The following PDE4D variants were observed in gnomAD, a reference collection of about 807,000 sequenced individuals.
PDE4D encodes the protein phosphodiesterase 4D.
Under a neutral mutation model 87.4 loss-of-function variants are expected in PDE4D, and 24 were observed. The ratio of observed to expected loss-of-function variants is 0.27; its 90% CI spans 0.20 to 0.39. The LOEUF (loss-of-function observed/expected upper bound fraction) is 0.39. PDE4D is among the 10% of genes least tolerant of loss of function. The pLI, the probability that PDE4D is intolerant of heterozygous loss-of-function variation, is 1.00. For missense variants in PDE4D, 714 were observed against 1,041.0 expected, an observed-to-expected ratio of 0.69 and a Z score of 4.32; for synonymous variants, 384 against 383.2, an observed-to-expected ratio of 1.00 and a Z score of -0.02.
chr5:59,262,131 T>C (rs952309822), intron 1 of PDE4D, among the ~76,000 whole-genome samples: 1 of 151,934 alleles, frequency 6.6e-6, no homozygotes, highest in African/African-American at 2.4e-5. Context: ...TCCTGCCCTA[T>C]AGAAATACTT....
intron 1 of PDE4D, among the ~76,000 whole-genome samples, chr5:60,474,105 C>CATATATATATATATAT (rs1158022321): frequency 9.7e-4 from 30 of 30,988 alleles, no homozygotes; most frequent in Non-Finnish European, 1.4e-3. Flanking sequence ...TTTGAGCTGC[C>CATATATATATATATAT]ATATATATAT....
At chr5:60,383,741 GA>G (rs371395830) in intron 1 of PDE4D, among the ~76,000 whole-genome samples, 1,856 of 152,184 alleles carry the variant, frequency 0.012, 16 homozygotes, top group Middle Eastern at 0.027. Flanking sequence ...ATTATAAATA[GA>G]AAAAATACTA....
intron 1 of PDE4D, among the ~76,000 whole-genome samples, chr5:59,673,638 A>T (rs1277256715): frequency 6.6e-6 from 1 of 152,200 alleles, no homozygotes; most frequent in Non-Finnish European, 1.5e-5. Context: ...GCATGGCGCC[A>T]TCTAGTGATC....
At chr5:59,061,943 A>T (rs1026285590) in intron 5 of PDE4D, among the ~76,000 whole-genome samples, 16 of 152,202 alleles carry the variant, frequency 1.1e-4, no homozygotes, top group African/African-American at 3.9e-4. Flanking sequence ...GAAATAGTGA[A>T]GGGATGGTTG....
chr5:60,460,797 C>G (rs1746871153), intron 1 of PDE4D: 1 of 565,920 alleles, frequency 1.8e-6, no homozygotes, highest in Non-Finnish European at 3.1e-6. Context: ...CGGAAGCAGG[C>G]AGAACACTCT....
chr5:60,468,056 A>G (rs1314652691), intron 1 of PDE4D, among the ~76,000 whole-genome samples: 1 of 151,936 alleles, frequency 6.6e-6, no homozygotes, highest in African/African-American at 2.4e-5. Flanking sequence ...AAGCCACTCA[A>G]CCAGTCCAAA....
chr5:59,236,731 T>C (rs1295590480), intron 1 of PDE4D, among the ~76,000 whole-genome samples: 1 of 151,930 alleles, frequency 6.6e-6, no homozygotes, highest in Non-Finnish European at 1.5e-5. Flanking sequence ...CAACACCACT[T>C]TCTACGCTGC....
intron 2 of PDE4D, among the ~76,000 whole-genome samples, chr5:60,162,391 A>G (rs1488117654): frequency 6.6e-6 from 1 of 152,140 alleles, no homozygotes; most frequent in Non-Finnish European, 1.5e-5. Flanking sequence ...GAGACAAATT[A>G]CATTGTATCT....
intron 1 of PDE4D, among the ~76,000 whole-genome samples, chr5:59,451,699 T>C (rs926100303): frequency 6.6e-6 from 1 of 152,206 alleles, no homozygotes; most frequent in Non-Finnish European, 1.5e-5. Context: ...TTTCCTCCAT[T>C]GCCTCTGCTA....
chr5:59,964,180 G>A (rs919616040), intron 3 of PDE4D, among the ~76,000 whole-genome samples: 15 of 152,116 alleles, frequency 9.9e-5, no homozygotes, highest in Non-Finnish European at 2.1e-4. Flanking sequence ...TTGACATCAT[G>A]TCAAACAACA....
Position 59,812,325 on chromosome 5 carries a change from C to T in PDE4D, c.455+80843G>A, listed in dbSNP as rs544191262. ...GTTGCATCTGCAGGATGGTTGTAGC[C>T]CTGTTTATAAATTCACAGGCTCAAT... On this transcript the variant is annotated intron_variant, in intron 1 of 14. Transcript: ENST00000340635. 7.2e-5 allele frequency among the ~76,000 whole-genome samples: 11 copies of T among 152,258 alleles called. No individual in the cohort carries two copies. In the South Asian group the frequency reaches 1.9e-3, roughly 26 times the overall value.
rs535375270 is a variant in PDE4D, at chr5:59,235,277, T to C, written c.456-19309A>G. On this transcript the variant is annotated intron_variant, in intron 1 of 14. Coordinates refer to ENST00000340635, the MANE Select transcript of PDE4D (RefSeq NM_001104631.2). ...CTGTGCCCCTGATGGTCAGATAACC[T>C]GTCCTGGGTGAGACAAAAGAATTAT... Among the ~76,000 whole-genome samples, 16 of 152,306 alleles carry C rather than the reference T, an allele frequency of 1.1e-4. No homozygotes were observed. In the East Asian group the frequency reaches 3.1e-3, roughly 29 times the overall value.
rs115007025 is a variant in PDE4D, at chr5:60,176,104, A to G, written c.42+9453T>C. Among the ~76,000 whole-genome samples, 536 of 152,202 alleles carry G rather than the reference A, an allele frequency of 3.5e-3. 5 individuals are homozygous for G. The highest frequency in any genetic ancestry group is 0.012 in the African/African-American group (516 of 41,524). ...TGCCTGGTGGGGTTTGTGGAGGAAA[A>G]GCCTGCTATAGGATGCACTCCCTAT... is the stretch of plus-strand genomic sequence containing the variant. On this transcript the variant is annotated intron_variant, in intron 2 of 16. Transcript: ENST00000502484.
chr5:60,382,560 G>T (rs375367860), intron 1 of PDE4D, among the ~76,000 whole-genome samples: 12 of 152,210 alleles, frequency 7.9e-5, no homozygotes, highest in African/African-American at 2.9e-4. Flanking sequence ...TTCTATGGAA[G>T]AACATGTTTG....
At chr5:59,394,737 C>T (rs1249373871) in intron 1 of PDE4D, among the ~76,000 whole-genome samples, 1 of 152,130 alleles carries the variant, frequency 6.6e-6, no homozygotes, top group Non-Finnish European at 1.5e-5. Context: ...GCCAAGATGG[C>T]CGAATAGGAA....
At chr5:59,008,385 T>C (rs1255558999) in intron 6 of PDE4D, among the ~76,000 whole-genome samples, 2 of 151,740 alleles carry the variant, frequency 1.3e-5, no homozygotes, top group East Asian at 3.9e-4. Context: ...TAATAACTAG[T>C]GTAAATAGGC....
intron 3 of PDE4D, among the ~76,000 whole-genome samples, chr5:59,927,056 A>G (rs891234617): frequency 5.3e-5 from 8 of 152,190 alleles, no homozygotes; most frequent in African/African-American, 1.7e-4. Flanking sequence ...GTTTGTCTTC[A>G]GCTTACATAG....
chr5:59,373,341 C>T (rs1278889441), intron 1 of PDE4D, among the ~76,000 whole-genome samples: 1 of 152,112 alleles, frequency 6.6e-6, no homozygotes, highest in Non-Finnish European at 1.5e-5. Flanking sequence ...TGTCACCAAC[C>T]TGATAGAACT....
intron 6 of PDE4D, among the ~76,000 whole-genome samples, chr5:59,029,860 T>C (rs753981010): frequency 4.5e-4 from 69 of 152,112 alleles, no homozygotes; most frequent in Admixed American, 2.9e-3. Context: ...TGGAACAGGA[T>C]AGAAAGCCCA....
Sources: allele counts gnomAD v4.1 joint callset (sites outside exome capture counted in the v4.1 genomes callset), GRCh38; gene constraint gnomAD v4.1.1; transcripts MANE v1.5; gene names NCBI Gene and HGNC (gene_info 2026-07-23, HGNC 2026-07-21).